Variants in AOPEP observed in about 807,000 individuals in gnomAD.
The protein encoded by AOPEP is aminopeptidase O (putative).
A neutral mutation model predicts 98.1 loss-of-function variants in AOPEP; 77 were observed. The observed-to-expected ratio is 0.78, with a 90% CI of 0.65 to 0.95. The LOEUF (loss-of-function observed/expected upper bound fraction) is 0.95, where lower values mean the gene tolerates loss of function less well. Among genes scored for constraint, AOPEP ranks in the 40% least tolerant of loss-of-function variants. AOPEP has a pLI of 0.00. For missense variants in AOPEP, 1,024 were observed against 1,024.7 expected (o/e 1.00, Z 0.01); for synonymous variants, 346 against 365.3 (o/e 0.95, Z 0.60).
At chr9:94,866,796 T>C (rs2045754048) in intron 5 of AOPEP, among the ~76,000 whole-genome samples, 1 of 152,242 alleles carries the variant, frequency 6.6e-6, no homozygotes, top group Non-Finnish European at 1.5e-5. Context: ...CCAGCATCAA[T>C]GTAACCAGTG....
chr9:95,143,616 C>CT, the AOPEP span, among the ~76,000 whole-genome samples: 2 of 152,206 alleles, frequency 1.3e-5, no homozygotes, highest in African/African-American at 4.8e-5. Flanking sequence ...GTCATGCCTT[C>CT]ATTCTTTTTT....
At chr9:95,129,608 T>C in the AOPEP span, among the ~76,000 whole-genome samples, 1 of 152,196 alleles carries the variant, frequency 6.6e-6, no homozygotes, top group Non-Finnish European at 1.5e-5. Context: ...AATAAACCTT[T>C]TGTGGTTTCC....
intron 5 of AOPEP, among the ~76,000 whole-genome samples, chr9:94,826,115 G>A (rs1854476442): frequency 6.6e-6 from 1 of 151,934 alleles, no homozygotes; most frequent in African/African-American, 2.4e-5. Context: ...AAAGGGTATT[G>A]TTTCAGTTTT....
At chr9:94,834,707 C>T (rs973935882) in intron 5 of AOPEP, among the ~76,000 whole-genome samples, 1 of 152,222 alleles carries the variant, frequency 6.6e-6, no homozygotes, top group East Asian at 1.9e-4. Context: ...GCAGGAGAAT[C>T]GCTTGAACCT....
chr9:94,836,035 A>G (rs1443200604), intron 5 of AOPEP, among the ~76,000 whole-genome samples: 3 of 152,238 alleles, frequency 2.0e-5, no homozygotes, highest in African/African-American at 7.2e-5. Context: ...TACAGAAGAA[A>G]GGACCTTGAT....
the AOPEP span, among the ~76,000 whole-genome samples, chr9:95,145,780 A>G: frequency 6.6e-6 from 1 of 152,200 alleles, no homozygotes; most frequent in Non-Finnish European, 1.5e-5. Context: ...AGCCCACAGG[A>G]CTGTGCTCCA....
At chr9:94,796,196 G>T (rs1846890746) in intron 4 of AOPEP, among the ~76,000 whole-genome samples, 1 of 152,240 alleles carries the variant, frequency 6.6e-6, no homozygotes, top group Non-Finnish European at 1.5e-5. Flanking sequence ...TCTTTCCATG[G>T]AACTGTGAGG....
chr9:95,102,037 G>A, the AOPEP span, among the ~76,000 whole-genome samples: 1 of 152,190 alleles, frequency 6.6e-6, no homozygotes, highest in African/African-American at 2.4e-5. Context: ...TGTCTCCAAG[G>A]CTGGCTACAC....
chr9:94,782,420 G>T (rs1843495983), intron 3 of AOPEP, among the ~76,000 whole-genome samples: 1 of 152,134 alleles, frequency 6.6e-6, no homozygotes, highest in Non-Finnish European at 1.5e-5. Flanking sequence ...TGGGCAAAAT[G>T]CTACTCTCTG....
chr9:94,813,702 A>G (rs1851112466), intron 5 of AOPEP, among the ~76,000 whole-genome samples: 1 of 152,222 alleles, frequency 6.6e-6, no homozygotes, highest in Non-Finnish European at 1.5e-5. Context: ...CTGGGCTTCT[A>G]TAGCTCTTGG....
chr9:95,146,070 G>C, the AOPEP span, among the ~76,000 whole-genome samples: 264 of 152,074 alleles, frequency 1.7e-3, 1 homozygote, highest in African/African-American at 6.1e-3. Flanking sequence ...ATGATGATAA[G>C]GAACTAATGT....
intron 10 of AOPEP, among the ~76,000 whole-genome samples, chr9:94,975,236 CTAA>C (rs151054028): frequency 0.041 from 6,176 of 151,214 alleles, 421 homozygotes; most frequent in African/African-American, 0.14. Flanking sequence ...GACTCTGTCT[CTAA>C]TAATAATAAT....
At chr9:94,739,924 G>C (rs1832699987) in intron 1 of AOPEP, among the ~76,000 whole-genome samples, 1 of 152,206 alleles carries the variant, frequency 6.6e-6, no homozygotes, top group Admixed American at 6.5e-5. Flanking sequence ...CTCTAGATAA[G>C]TTGATGCCCT....
chr9:95,103,265 G>A, the AOPEP span, among the ~76,000 whole-genome samples: 1 of 152,064 alleles, frequency 6.6e-6, no homozygotes, highest in Non-Finnish European at 1.5e-5. Context: ...ACTCCTGGGT[G>A]GGCCCCTTCC....
intron 7 of AOPEP, among the ~76,000 whole-genome samples, chr9:94,944,930 T>C (rs2057448037): frequency 6.6e-6 from 1 of 152,156 alleles, no homozygotes; most frequent in Non-Finnish European, 1.5e-5. Flanking sequence ...AAGAGAGAGA[T>C]TGATGGAAAT....
chr9:94,953,746 C>G (rs1336439139), intron 7 of AOPEP, among the ~76,000 whole-genome samples: 1 of 152,146 alleles, frequency 6.6e-6, no homozygotes, highest in Non-Finnish European at 1.5e-5. Flanking sequence ...TGCACCAACC[C>G]TCTCGTGGTT....
downstream of AOPEP, among the ~76,000 whole-genome samples, chr9:95,089,770 G>C (rs1263524399): frequency 1.3e-5 from 2 of 152,334 alleles, no homozygotes; most frequent in Admixed American, 1.3e-4. Flanking sequence ...CCTCAGCTCA[G>C]CAGCTCCCCG....
intron 3 of AOPEP, among the ~76,000 whole-genome samples, chr9:94,781,839 C>T (rs913861009): frequency 1.9e-4 from 28 of 150,154 alleles, no homozygotes; most frequent in African/African-American, 5.9e-4. Flanking sequence ...GGATTATAGG[C>T]GTGAAAGTTT....
intron 5 of AOPEP, among the ~76,000 whole-genome samples, chr9:94,896,272 AAAG>A (rs1588755044): frequency 6.6e-6 from 1 of 152,248 alleles, no homozygotes; most frequent in East Asian, 1.9e-4. Context: ...AAAGCACAGA[AAAG>A]AAATGCTTAT....
Sources: allele counts gnomAD v4.1 joint callset (sites outside exome capture counted in the v4.1 genomes callset), GRCh38; gene constraint gnomAD v4.1.1; transcripts MANE v1.5; gene names NCBI Gene and HGNC (gene_info 2026-07-23, HGNC 2026-07-21).